Variants in LRP2 observed in about 807,000 individuals in gnomAD.
The protein encoded by LRP2 is LDL receptor related protein 2.
LRP2 carries 172 observed loss-of-function variants against 531.0 expected under a neutral mutation model. That is an observed-to-expected ratio of 0.32 (90% CI 0.29 to 0.37). The LOEUF (loss-of-function observed/expected upper bound fraction) is 0.37, where lower values mean the gene tolerates loss of function less well. LRP2 is among the 10% of genes least tolerant of loss of function. The pLI is 1.00. For synonymous variants in LRP2, 1,992 were observed against 2,027.6 expected (o/e 0.98, Z 0.47); for missense variants, 5,167 against 5,868.3 (o/e 0.88, Z 3.90).
intron 1 of LRP2, among the ~76,000 whole-genome samples, chr2:169,341,920 G>C (rs1452908197): frequency 6.6e-6 from 1 of 152,028 alleles, no homozygotes; most frequent in African/African-American, 2.4e-5. Context: ...AACCAAGATG[G>C]GCCCTCAACA....
At chr2:169,261,521 C>CAAAAA (rs34719462) in intron 16 of LRP2, among the ~76,000 whole-genome samples, 2 of 129,644 alleles carry the variant, frequency 1.5e-5, no homozygotes, top group African/African-American at 2.9e-5. Flanking sequence ...TGTACTCATT[C>CAAAAA]AAAAAAAAAA....
chr2:169,162,348 T>C (rs755274602), intron 63 of LRP2, 124 bp downstream of exon 63: 315 of 1,129,562 alleles, frequency 2.8e-4, no homozygotes, highest in Non-Finnish European at 3.8e-4. Flanking sequence ...TGGGCTTGAC[T>C]GGAATTCAAG....
chr2:169,276,364 CATTG>C (rs1000538640), intron 13 of LRP2, among the ~76,000 whole-genome samples: 7 of 152,060 alleles, frequency 4.6e-5, no homozygotes, highest in Non-Finnish European at 7.4e-5. Flanking sequence ...TTTGAAATTC[CATTG>C]ATTTTTATCT....
chr2:169,176,739 A>G (rs1385124807), intron 53 of LRP2, 151 bp from the exon 54 acceptor site: 1 of 729,238 alleles, frequency 1.4e-6, no homozygotes, highest in African/African-American at 1.7e-5. Flanking sequence ...GTTCCTAAAT[A>G]AAACAGATGA....
chr2:169,168,572 C>T lies in LRP2; in HGVS notation c.11602G>A (p.Gly3868Ser), dbSNP rs751576738. 2.5e-6 allele frequency: 4 copies of T among 1,614,030 alleles called. No individual in the cohort carries two copies. The highest frequency in any genetic ancestry group is 3.4e-6 in the Non-Finnish European group (4 of 1,180,024). The change falls in exon 61 of 79, where the codon GGC (glycine) becomes AGC (serine). Residue 3868 changes from glycine (G) to serine (S), a missense_variant. Coordinates refer to ENST00000649046, the MANE Select transcript of LRP2 (RefSeq NM_004525.3). Reference protein sequence around the residue: ...YWKCDGDDDCGDGSDEELHLC... With the variant: ...YWKCDGDDDCSDGSDEELHLC... ...TGAAGTTCTTCATCTGAACCATCGC[C>T]ACAGTCATCATCGCCATCACATTTC...
At chr2:169,259,261 G>C (rs772518567) in intron 16 of LRP2, 44 bp from the exon 17 acceptor site, 80 of 1,424,252 alleles carry the variant, frequency 5.6e-5, no homozygotes, top group Non-Finnish European at 7.5e-5. Context: ...AGTATATTTT[G>C]TAAGGCATCA....
At chr2:169,182,480 T>C in intron 50 of LRP2, 161 bp from the exon 51 acceptor site, 1 of 1,522,970 alleles carries the variant, frequency 6.6e-7, no homozygotes, top group Non-Finnish European at 8.8e-7. Flanking sequence ...GAAGTTTGTC[T>C]TCCTGCAGTG....
intron 16 of LRP2, 145 bp from the exon 17 acceptor site, chr2:169,259,362 A>G (rs933086749): frequency 3.2e-6 from 2 of 629,194 alleles, no homozygotes; most frequent in South Asian, 3.9e-5. Flanking sequence ...AAAAAAAAAA[A>G]AAAACTCTGT....
rs747149109 is a variant in LRP2 at position 169,247,004 on chromosome 2, C to G, written c.2909-18G>C. The G allele has an allele frequency of 6.2e-7, 1 of 1,613,154 alleles. No individual in the cohort carries two copies. The highest frequency in any genetic ancestry group is 1.7e-5 in the Admixed American group (1 of 59,960). On this transcript the variant is annotated intron_variant, in intron 20 of 78. Transcript: ENST00000649046. ...GTTAGAACCTGCAAAAGCAAAGCCC[C>G]GAGGGAGTCAGTCATGTACATTTTC...
At chr2:169,220,664 A>G (rs1688960818) in intron 33 of LRP2, 101 bp from the exon 34 acceptor site, 3 of 743,420 alleles carry the variant, frequency 4.0e-6, no homozygotes, top group South Asian at 3.0e-5. Flanking sequence ...CCAAAGCACG[A>G]TTAGGGATGG....
chr2:169,356,511 T>C (rs963269874), intron 1 of LRP2, among the ~76,000 whole-genome samples: 1 of 152,102 alleles, frequency 6.6e-6, no homozygotes, highest in Admixed American at 6.6e-5. Context: ...CCCCGTGAGG[T>C]AGATATATGT....
chr2:169,206,877 A>G lies in LRP2; in HGVS notation c.6843T>C (p.Tyr2281=). Residue 2281 remains tyrosine, a synonymous_variant, in exon 39 of 79, where the codon TAT becomes TAC. Coordinates refer to ENST00000649046, the MANE Select transcript of LRP2 (RefSeq NM_004525.3). ...TAGAATTTTCAAAAACAGTGATGCC[A>G]TAAGGAGTTGGGTAACGACTGCCAT... ...IRYGSRYPTP[Y]GITVFENSII... is the part of the protein sequence containing the mutation. The G allele has an allele frequency of 4.3e-6, 7 of 1,614,206 alleles. No homozygotes were observed. Among genetic ancestry groups the G allele is most frequent in the Non-Finnish European group, 5.9e-6 (7 of 1,180,034 alleles).
intron 43 of LRP2, 47 bp downstream of exon 43, chr2:169,202,709 T>A: frequency 1.3e-6 from 2 of 1,585,276 alleles, no homozygotes; most frequent in Non-Finnish European, 1.7e-6. Flanking sequence ...ACACTTGACA[T>A]CAAGATGCCA....
rs554202429 is a variant in LRP2 at position 169,278,290 on chromosome 2, G to A, written c.1566-339C>T. Among the ~76,000 whole-genome samples, 552 of 152,140 alleles carry A rather than the reference G, an allele frequency of 3.6e-3. 2 individuals carry two copies. Among genetic ancestry groups the A allele is most frequent in the Admixed American group, 6.2e-3 (95 of 15,274 alleles). On this transcript the variant is annotated intron_variant, in intron 12 of 78. Transcript: ENST00000649046. ...GCTTGAGGCCCATGTTTCAAGACCA[G>A]CCTGGGCAACATGGCAAGACCCCAT... is the stretch of plus-strand genomic sequence containing the variant.
intron 17 of LRP2, among the ~76,000 whole-genome samples, chr2:169,258,416 G>A (rs1011970712): frequency 6.6e-6 from 1 of 152,080 alleles, no homozygotes; most frequent in African/African-American, 2.4e-5. Flanking sequence ...TGGGTTAGCA[G>A]CCATCTTTTT....
chr2:169,223,528 G>A (rs982501623), intron 33 of LRP2, among the ~76,000 whole-genome samples: 1 of 152,148 alleles, frequency 6.6e-6, no homozygotes, highest in East Asian at 1.9e-4. Context: ...TGTTTAATGG[G>A]AGGATGATAG....
chr2:169,268,375 C>A (rs976994640), intron 16 of LRP2, among the ~76,000 whole-genome samples: 1 of 152,086 alleles, frequency 6.6e-6, no homozygotes, highest in Non-Finnish European at 1.5e-5. Context: ...ACTGGCAAAC[C>A]GAATCCAGGA....
chr2:169,321,087 A>G (rs1185519335), intron 1 of LRP2, among the ~76,000 whole-genome samples: 4 of 152,220 alleles, frequency 2.6e-5, no homozygotes, highest in Non-Finnish European at 5.9e-5. Context: ...ATTTTCATAC[A>G]CAGTTGATTA....
intron 1 of LRP2, 134 bp from the exon 2 acceptor site, chr2:169,321,018 A>G: frequency 1.4e-6 from 1 of 690,850 alleles, no homozygotes; most frequent in Non-Finnish European, 2.6e-6. Context: ...AAAATTAGGT[A>G]AACATTCTCC....
Sources: gnomAD v4.1 joint callset for allele counts (sites outside exome capture counted in the v4.1 genomes callset) on GRCh38, gnomAD v4.1.1 for gene constraint, MANE v1.5 for transcripts, NCBI Gene and HGNC (gene_info 2026-07-23, HGNC 2026-07-21) for gene names.